The following SLC12A6 variants were observed in gnomAD, a reference collection of about 807,000 sequenced individuals.
SLC12A6 encodes K-Cl cotransporter 3.
SLC12A6 carries 66 observed loss-of-function variants against 135.3 expected under a neutral mutation model. That is an observed-to-expected ratio of 0.49 (90% CI 0.40 to 0.60). SLC12A6 has a LOEUF of 0.60. Among genes scored for constraint, SLC12A6 ranks in the 20% least tolerant of loss-of-function variants. The pLI is 0.00. For missense variants in SLC12A6, 1,058 were observed against 1,452.3 expected (o/e 0.73, Z 4.41); for synonymous variants, 513 against 508.8 (o/e 1.01, Z -0.11).
At chr15:34,263,511 G>C (rs562003828) in intron 3 of SLC12A6, among the ~76,000 whole-genome samples, 1 of 151,906 alleles carries the variant, frequency 6.6e-6, no homozygotes, top group African/African-American at 2.4e-5. Flanking sequence ...TGTTAAAAGA[G>C]GCATCTGACA....
rs572342330 is a variant in SLC12A6, at chr15:34,245,295, T to C, written c.1933A>G (p.Ile645Val). 3.3e-5 allele frequency: 51 copies of C among 1,560,746 alleles called. No individual in the cohort carries two copies. In the Middle Eastern group the frequency reaches 6.7e-4, roughly 21 times the overall value. Residue 645 changes from isoleucine to valine, a missense_variant, in exon 15 of 26, where the codon ATT (isoleucine) becomes GTT (valine). Ile to Val is a conservative substitution (Grantham distance 29). Around this residue, in one of 6 missense-constraint regions of SLC12A6, gnomAD observed 170 missense variants for 297.6 expected, o/e 0.57. Transcript: ENST00000354181. ...LIASLDLVAP[I>V]LSMFFLMCYL... The stretch of plus-strand genomic sequence containing the variant: ...ATCACTGGCTCTTACATGGAAAGAA[T>C]TGGGGCCACAAGATCCAGGGAGGCA...
intron 2 of SLC12A6, among the ~76,000 whole-genome samples, chr15:34,298,816 A>G (rs1237490217): frequency 6.6e-6 from 1 of 152,088 alleles, no homozygotes; most frequent in Non-Finnish European, 1.5e-5. Flanking sequence ...TTCCACACCA[A>G]TCTATTCCAT....
At chr15:34,302,295 G>C (rs924738566) in intron 2 of SLC12A6, among the ~76,000 whole-genome samples, 1 of 152,092 alleles carries the variant, frequency 6.6e-6, no homozygotes, top group Non-Finnish European at 1.5e-5. Flanking sequence ...CAAGAGGACT[G>C]TACCTACACA....
At chr15:34,266,317 T>G (rs1320594973) in intron 3 of SLC12A6, among the ~76,000 whole-genome samples, 1 of 152,202 alleles carries the variant, frequency 6.6e-6, no homozygotes, top group Admixed American at 6.5e-5. Flanking sequence ...AACATTTTAT[T>G]AGGTATTAGA....
At chr15:34,285,717 T>TATATACACACACACACACACACACACA (rs144158165) in intron 2 of SLC12A6, among the ~76,000 whole-genome samples, 1 of 131,108 alleles carries the variant, frequency 7.6e-6, no homozygotes. Flanking sequence ...TGTGTGTTTG[T>TATATACACACACACACACACACACACA]CATACATAAA....
intron 2 of SLC12A6, among the ~76,000 whole-genome samples, chr15:34,311,330 T>A (rs1057207382): frequency 2.6e-5 from 4 of 152,162 alleles, no homozygotes; most frequent in African/African-American, 9.7e-5. Context: ...TATTTTTTAA[T>A]ACATATATTT....
intron 7 of SLC12A6, 161 bp from the exon 8 acceptor site, chr15:34,255,553 G>A: frequency 1.9e-6 from 1 of 525,292 alleles, no homozygotes; most frequent in Non-Finnish European, 3.3e-6. Flanking sequence ...GGAAGTAAAA[G>A]GTGAAAGTGT....
intron 3 of SLC12A6, among the ~76,000 whole-genome samples, chr15:34,265,178 C>T (rs1032728453): frequency 6.6e-5 from 10 of 152,156 alleles, no homozygotes; most frequent in African/African-American, 2.2e-4. Context: ...GCCTGGGCGA[C>T]AGAGCGAGAC....
chr15:34,268,196 C>T (rs1027792400), intron 3 of SLC12A6, among the ~76,000 whole-genome samples: 2 of 152,230 alleles, frequency 1.3e-5, no homozygotes, highest in African/African-American at 4.8e-5. Context: ...TACCTGCTGT[C>T]CAAGCCACCT....
At chr15:34,306,007 C>T (rs190050474) in intron 2 of SLC12A6, among the ~76,000 whole-genome samples, 227 of 151,974 alleles carry the variant, frequency 1.5e-3, no homozygotes, top group African/African-American at 4.5e-3. Flanking sequence ...GTGATCCGCC[C>T]GCCTCGGCCT....
intron 2 of SLC12A6, among the ~76,000 whole-genome samples, chr15:34,310,135 A>G (rs1012309179): frequency 7.9e-5 from 12 of 151,258 alleles, no homozygotes; most frequent in Non-Finnish European, 1.6e-4. Flanking sequence ...CAGCCTTCCG[A>G]GTAGCTGGGA....
At chr15:34,256,380 T>A in intron 6 of SLC12A6, 97 bp from the exon 7 acceptor site, 1 of 808,522 alleles carries the variant, frequency 1.2e-6, no homozygotes, top group Non-Finnish European at 2.2e-6. Flanking sequence ...GGCAAACATT[T>A]AACTCTACCT....
Position 34,250,971 on chromosome 15 carries a change from G to C in SLC12A6, c.1420C>G (p.His474Asp). Residue 474 changes from histidine to aspartate, a missense_variant, in exon 11 of 26, where the codon CAT (histidine) becomes GAT (aspartate). His to Asp is a moderately conservative substitution (Grantham distance 81). Coordinates refer to ENST00000354181, the MANE Select transcript of SLC12A6 (RefSeq NM_001365088.1). ...GTGATGTCAACAAGAACATATTCAT[G>C]GTTTAAGCTGCCTAAGACATCAGAA... ...KSSDVLGSLN[H>D]EYVLVDITTS... 1 of 1,611,114 alleles carries C rather than the reference G, an allele frequency of 6.2e-7. No individual in the cohort carries two copies. The highest frequency in any genetic ancestry group is 8.5e-7 in the Non-Finnish European group (1 of 1,177,318).
At chr15:34,303,928 A>G (rs943053181) in intron 2 of SLC12A6, among the ~76,000 whole-genome samples, 2 of 152,180 alleles carry the variant, frequency 1.3e-5, no homozygotes, top group Non-Finnish European at 1.5e-5. Context: ...ACATACTAAG[A>G]CAACACCATA....
intron 2 of SLC12A6, among the ~76,000 whole-genome samples, chr15:34,287,913 TC>T (rs1895220245): frequency 6.6e-6 from 1 of 152,220 alleles, no homozygotes; most frequent in South Asian, 2.1e-4. Flanking sequence ...AAAAATTTTC[TC>T]CCGTTCTGTA....
intron 2 of SLC12A6, among the ~76,000 whole-genome samples, chr15:34,328,666 C>T (rs1007426917): frequency 6.6e-6 from 1 of 152,186 alleles, no homozygotes; most frequent in Non-Finnish European, 1.5e-5. Context: ...ATCGCTTGAG[C>T]TCAGGAGTTC....
At chr15:34,302,211 G>C (rs347846) in intron 2 of SLC12A6, among the ~76,000 whole-genome samples, 60,100 of 151,976 alleles carry the variant, frequency 0.4, 14,891 homozygotes, top group African/African-American at 0.71. Flanking sequence ...TTTAATAAAG[G>C]CCAAAGTATA....
chr15:34,306,360 G>A (rs781684933), intron 2 of SLC12A6, among the ~76,000 whole-genome samples: 8 of 152,210 alleles, frequency 5.3e-5, no homozygotes, highest in Non-Finnish European at 1.2e-4. Context: ...GGGATGGGAA[G>A]ATCTCAGACC....
At chr15:34,272,447 A>G (rs1894029316) in intron 3 of SLC12A6, among the ~76,000 whole-genome samples, 1 of 152,236 alleles carries the variant, frequency 6.6e-6, no homozygotes, top group Non-Finnish European at 1.5e-5. Context: ...GACAGAAGAC[A>G]GAAGAGGATA....
Sources: allele counts gnomAD v4.1 joint callset (sites outside exome capture counted in the v4.1 genomes callset), GRCh38; gene constraint gnomAD v4.1.1; regional missense constraint gnomAD v4.1.1; transcripts MANE v1.5; gene names NCBI Gene and HGNC (gene_info 2026-07-23, HGNC 2026-07-21).